The following CCDC90B variants were observed in gnomAD, a reference collection of about 807,000 sequenced individuals.
The protein encoded by CCDC90B is coiled-coil domain-containing protein 90B, mitochondrial.
CCDC90B carries 24 observed loss-of-function variants against 37.0 expected under a neutral mutation model. The ratio of observed to expected loss-of-function variants is 0.65; its 90% CI spans 0.47 to 0.91. The LOEUF is 0.91. Among genes scored for constraint, CCDC90B ranks in the 40% least tolerant of loss-of-function variants. The pLI is 0.00. For missense variants in CCDC90B, 319 were observed against 299.0 expected (o/e 1.07, Z -0.49); for synonymous variants, 113 against 101.1 (o/e 1.12, Z -0.71).
rs945267403 is a variant in CCDC90B at position 83,285,667 on chromosome 11, G to T, written c.100+206C>A. ...CCTTCAAAGGTTCGCTTTAAGAACA[G>T]AAAGGCAGTGCTTTCCTCAGTCCTC... On this transcript the variant is annotated intron_variant, in intron 1 of 8. Transcript: ENST00000529689. The T allele has an allele frequency of 2.8e-6, 4 of 1,407,826 alleles. No individual in the cohort carries two copies. The African/African-American group carries it at 4.4e-5, about 15-fold the overall frequency. The allele number at this position is 1,407,826 out of a possible 1,614,324, so 87.2% of individuals were successfully genotyped here. A position where few individuals can be genotyped will look rare whatever the true frequency, so the allele number is the denominator to read the frequency against.
At chr11:83,270,509 GACAA>G (rs1422575083) in intron 7 of CCDC90B, among the ~76,000 whole-genome samples, 7 of 152,182 alleles carry the variant, frequency 4.6e-5, no homozygotes, top group South Asian at 2.1e-4. Context: ...ACCATTAACA[GACAA>G]ACAGAGTCAA....
chr11:83,268,099 A>C (rs887834859), intron 7 of CCDC90B, among the ~76,000 whole-genome samples: 1 of 152,228 alleles, frequency 6.6e-6, no homozygotes, highest in Admixed American at 6.5e-5. Context: ...GAGCTCCTGA[A>C]GGAAGCACTA....
At chr11:83,285,813 C>T in intron 1 of CCDC90B, 60 bp downstream of exon 1, 1 of 1,545,744 alleles carries the variant, frequency 6.5e-7, no homozygotes, top group Non-Finnish European at 8.7e-7. Context: ...AGGCGCGACC[C>T]CACGGGCATC....
rs1865672753 is a variant in CCDC90B, at chr11:83,286,032, T to C, written c.-60A>G. On this transcript the variant is annotated 5_prime_UTR_variant, in exon 1 of 9. Transcript: ENST00000529689. Reference sequence around the variant, plus strand: ...GACGGGGTAAATCTCGCACAGGCTTTCGGGCAAGGTAGTTCTGGCACCACA... The same window carrying C: ...GACGGGGTAAATCTCGCACAGGCTTCCGGGCAAGGTAGTTCTGGCACCACA... The C allele has an allele frequency of 1.3e-6, 2 of 1,558,046 alleles. No homozygotes were observed. Among genetic ancestry groups the C allele is most frequent in the Admixed American group, 1.9e-5 (1 of 52,358 alleles).
chr11:83,266,698 G>A (rs1264382530), intron 7 of CCDC90B, among the ~76,000 whole-genome samples: 3 of 151,942 alleles, frequency 2.0e-5, no homozygotes, highest in Non-Finnish European at 4.4e-5. Context: ...AAAGGCAGCA[G>A]ACAACTTCTG....
At chr11:83,270,507 C>G (rs910210147) in intron 7 of CCDC90B, among the ~76,000 whole-genome samples, 1 of 152,192 alleles carries the variant, frequency 6.6e-6, no homozygotes, top group Non-Finnish European at 1.5e-5. Context: ...ACACCATTAA[C>G]AGACAAACAG....
intron 2 of CCDC90B, 146 bp downstream of exon 2, chr11:83,279,995 C>A: frequency 1.8e-5 from 12 of 679,826 alleles, no homozygotes; most frequent in Non-Finnish European, 2.7e-5. Context: ...CAAACAGTAT[C>A]ATTTTTAGTG....
intron 1 of CCDC90B, 154 bp downstream of exon 1, chr11:83,285,718 CG>C: frequency 7.0e-7 from 1 of 1,438,738 alleles, no homozygotes; most frequent in Non-Finnish European, 9.1e-7. Context: ...CTGGGCAAGT[CG>C]GGGCAGCAGG....
At chr11:83,276,611 AAGTGCTGGGATTACAGGC>A (rs1315531982) in intron 3 of CCDC90B, among the ~76,000 whole-genome samples, 2 of 152,162 alleles carry the variant, frequency 1.3e-5, no homozygotes, top group African/African-American at 4.8e-5. Flanking sequence ...CAGCCTCCTG[AAGTGCTGGGATTACAGGC>A]GTGAGCCACC....
chr11:83,284,887 T>G (rs956644490), intron 1 of CCDC90B, among the ~76,000 whole-genome samples: 1 of 152,192 alleles, frequency 6.6e-6, no homozygotes, highest in Non-Finnish European at 1.5e-5. Flanking sequence ...ACCTCCTTTT[T>G]GTAAAATCCA....
intron 7 of CCDC90B, among the ~76,000 whole-genome samples, chr11:83,272,664 G>A (rs1309509788): frequency 6.6e-6 from 1 of 152,122 alleles, no homozygotes; most frequent in African/African-American, 2.4e-5. Context: ...TGATTTCCTT[G>A]CTTATCTCCT....
intron 8 of CCDC90B, among the ~76,000 whole-genome samples, chr11:83,264,963 T>TG (rs1864161539): frequency 1.4e-5 from 1 of 70,468 alleles, no homozygotes; most frequent in Non-Finnish European, 2.5e-5. Context: ...TGTTGTGGGG[T>TG]GGGGGGAGGG....
chr11:83,263,482 T>G (rs936491630), intron 8 of CCDC90B, among the ~76,000 whole-genome samples: 2 of 152,210 alleles, frequency 1.3e-5, no homozygotes, highest in African/African-American at 4.8e-5. Context: ...GTAAAATGCT[T>G]AGGTGAGCAT....
intron 8 of CCDC90B, among the ~76,000 whole-genome samples, chr11:83,265,438 CCA>C (rs1227369895): frequency 1.3e-5 from 2 of 151,872 alleles, no homozygotes; most frequent in Non-Finnish European, 2.9e-5. Context: ...CTGTGGAGTA[CCA>C]CAGTTTATCC....
chr11:83,268,002 C>G (rs977600118), intron 7 of CCDC90B, among the ~76,000 whole-genome samples: 1 of 152,146 alleles, frequency 6.6e-6, no homozygotes, highest in Non-Finnish European at 1.5e-5. Flanking sequence ...TCTAGCCAAA[C>G]TAAGCCTCAT....
chr11:83,260,980 T>A lies in CCDC90B; in HGVS notation c.*931A>T, dbSNP rs1162602162. The A allele has an allele frequency of 6.6e-6, 1 of 152,226 alleles. No individual in the cohort carries two copies. The highest frequency in any genetic ancestry group is 2.4e-5 in the African/African-American group (1 of 41,462). The allele number at this position is 152,226 out of a possible 1,614,324, so 9.4% of individuals were successfully genotyped here. A position where few individuals can be genotyped will look rare whatever the true frequency, so the allele number is the denominator to read the frequency against. On this transcript the variant is annotated 3_prime_UTR_variant, in exon 9 of 9. Transcript: ENST00000529689. Reference sequence around the variant, plus strand: ...CTTAAACTACATTAAGAAGCAGGGATAAACTGGTTTTTGAGTATCAAATAT... The same window carrying A: ...CTTAAACTACATTAAGAAGCAGGGAAAAACTGGTTTTTGAGTATCAAATAT...
intron 7 of CCDC90B, among the ~76,000 whole-genome samples, chr11:83,266,262 T>C (rs1864265086): frequency 1.3e-5 from 2 of 152,144 alleles, no homozygotes; most frequent in African/African-American, 4.8e-5. Flanking sequence ...GGTTGGACAG[T>C]GGGTGCAGCG....
chr11:83,279,744 T>G (rs1591060059), intron 2 of CCDC90B, among the ~76,000 whole-genome samples: 1 of 152,198 alleles, frequency 6.6e-6, no homozygotes, highest in South Asian at 2.1e-4. Flanking sequence ...TAATACCATT[T>G]TGTTCTATTA....
chr11:83,272,512 G>A (rs1201138569), intron 7 of CCDC90B, among the ~76,000 whole-genome samples: 1 of 151,968 alleles, frequency 6.6e-6, no homozygotes, highest in African/African-American at 2.4e-5. Context: ...AAAATAACCA[G>A]GTGTATAATA....
Sources: gnomAD v4.1 joint callset for allele counts (sites outside exome capture counted in the v4.1 genomes callset) on GRCh38, gnomAD v4.1.1 for gene constraint, MANE v1.5 for transcripts, NCBI Gene and HGNC (gene_info 2026-07-23, HGNC 2026-07-21) for gene names.